PCM1: variants seen among roughly 807,000 people sequenced by gnomAD.
PCM1 encodes the protein pericentriolar material 1 protein.
Under a neutral mutation model 241.9 loss-of-function variants are expected in PCM1, and 157 were observed. That is an observed-to-expected ratio of 0.65 (90% confidence interval 0.57 to 0.74). PCM1 has a LOEUF of 0.74. Among genes scored for constraint, PCM1 ranks in the 30% least tolerant of loss-of-function variants. The pLI is 0.00. For synonymous variants in PCM1, 1,085 were observed against 784.9 expected (o/e 1.38, Z -6.39); for missense variants, 3,478 against 2,360.1 (o/e 1.47, Z -9.81).
At chr8:17,932,739 TTTAG>T (rs2059394540) in intron 2 of PCM1, among the ~76,000 whole-genome samples, 1 of 152,170 alleles carries the variant, frequency 6.6e-6, no homozygotes, top group South Asian at 2.1e-4. Flanking sequence ...GTGTTCTAAA[TTTAG>T]TAAGTTCTCT....
chr8:18,022,779 C>T (rs1025054340), intron 36 of PCM1, among the ~76,000 whole-genome samples: 1 of 152,140 alleles, frequency 6.6e-6, no homozygotes, highest in African/African-American at 2.4e-5. Context: ...TATTTAAAAT[C>T]AGAACTTCAC....
In PCM1 at chr8:17,940,007, A is replaced by G. The variant is rs1428727020; in HGVS notation, c.783+146A>G. The G allele has an allele frequency of 2.9e-6, 4 of 1,365,596 alleles. No individual in the cohort carries two copies. The Admixed American group carries it at 5.9e-5, about 20-fold the overall frequency. The allele number at this position is 1,365,596 out of a possible 1,614,324, so 84.6% of individuals were successfully genotyped here. A position where few individuals can be genotyped will look rare whatever the true frequency, so the allele number is the denominator to read the frequency against. On this transcript the variant is annotated intron_variant, in intron 6 of 38. Transcript: ENST00000325083. Reference sequence around the variant, plus strand: ...TTATAACAATTTATTGCCCATTTTAATAGTTGTATGATTTATACCGCTAAA... The same window carrying G: ...TTATAACAATTTATTGCCCATTTTAGTAGTTGTATGATTTATACCGCTAAA...
rs117049890 is a variant in PCM1 at position 17,996,396 on chromosome 8, C to T, written c.4827+2777C>T. Among the ~76,000 whole-genome samples the T allele has an allele frequency of 9.9e-5, 15 of 152,232 alleles. No individual in the cohort carries two copies. The East Asian group carries it at 2.3e-3, about 24-fold the overall frequency. On this transcript the variant is annotated intron_variant, in intron 29 of 38. Transcript: ENST00000325083. ...CCCTGGGATAAATCCCACTTGGTCA[C>T]GATGGATCATCTTTTTAATGTGTTG...
intron 36 of PCM1, among the ~76,000 whole-genome samples, chr8:18,016,391 TTTAACTATGCC>T (rs2093200895): frequency 1.3e-5 from 2 of 152,128 alleles, no homozygotes; most frequent in South Asian, 4.1e-4. Flanking sequence ...AAACTATGCC[TTTAACTATGCC>T]TTTCTGGAGA....
At chr8:18,014,089 T>A (rs13266287) in intron 35 of PCM1, 53 bp downstream of exon 35, 592,867 of 939,088 alleles carry the variant, frequency 0.63, 194,403 homozygotes, top group Non-Finnish European at 0.68. Flanking sequence ...TTATTTGCTT[T>A]AAAGCTAAAA....
At position 17,986,171 on chromosome 8, in the gene PCM1, G is replaced by A. The variant is rs1173916999; in HGVS notation, c.4410+84G>A. On this transcript the variant is annotated intron_variant, in intron 26 of 38. Coordinates refer to ENST00000325083, the MANE Select transcript of PCM1 (RefSeq NM_006197.4). ...TTAAATAGATTATTGTCAAATTGTAGGTAGACCTAATATATTTGATTTTCA... is the reference window on the plus strand; with the variant it reads ...TTAAATAGATTATTGTCAAATTGTAAGTAGACCTAATATATTTGATTTTCA... The A allele has an allele frequency of 6.4e-6, 6 of 942,146 alleles. No homozygotes were observed. In the East Asian group the frequency reaches 1.7e-4, roughly 26 times the overall value. The allele number at this position is 942,146 out of a possible 1,614,324, so 58.4% of individuals were successfully genotyped here. A position where few individuals can be genotyped will look rare whatever the true frequency, so the allele number is the denominator to read the frequency against.
Position 17,953,023 on chromosome 8 carries a change from G to C in PCM1, c.1125G>C (p.Arg375Ser), listed in dbSNP as rs768497198. 31 of 1,608,376 alleles carry C rather than the reference G, an allele frequency of 1.9e-5. 1 individual carries two copies. In the South Asian group the frequency reaches 3.3e-4, roughly 17 times the overall value. The stretch of plus-strand genomic sequence containing the variant: ...AGGCAGAAAGTCTTTCATTAACTAG[G>C]GAGGTTTCCCAGAGCAGGAAACCAT... ...RRQAESLSLT[R>S]EVSQSRKPSA... is the part of the protein sequence containing the mutation. Residue 375 changes from arginine to serine, a missense_variant, in exon 9 of 39, where the codon AGG becomes AGC. Arg to Ser is a moderately radical substitution (Grantham distance 110, BLOSUM62 -1). Transcript: ENST00000325083.
chr8:17,967,159 C>T lies in PCM1; in HGVS notation c.3401C>T (p.Ser1134Leu). Residue 1134 changes from serine (S) to leucine (L), a missense_variant, in exon 21 of 39, where the codon TCA becomes TTA. Ser to Leu is a moderately radical substitution (Grantham distance 145, BLOSUM62 -2). Transcript: ENST00000325083. The part of the protein sequence containing the change: ...FNIPGFTNFS[S>L]FAPGMNFSPL... ...ATACCTGGATTTACTAACTTTTCAT[C>T]ATTTGCACCAGGTAGGTGACTTAAC... 1 of 1,588,460 alleles carries T rather than the reference C, an allele frequency of 6.3e-7. No individual in the cohort carries two copies. Among genetic ancestry groups the T allele is most frequent in the Non-Finnish European group, 8.6e-7 (1 of 1,165,600 alleles).
At chr8:17,977,570 G>C (rs2079197622) in intron 23 of PCM1, among the ~76,000 whole-genome samples, 1 of 152,194 alleles carries the variant, frequency 6.6e-6, no homozygotes, top group Admixed American at 6.5e-5. Context: ...CTTGGAGAAA[G>C]CTATGTTGGA....
intron 36 of PCM1, among the ~76,000 whole-genome samples, chr8:18,024,659 G>T (rs941033853): frequency 1.2e-4 from 18 of 152,132 alleles, no homozygotes; most frequent in Non-Finnish European, 1.5e-4. Flanking sequence ...ATGTTTTTGT[G>T]CAAGGAAGTG....
chr8:17,953,587 A>T (rs1017682987), intron 9 of PCM1, among the ~76,000 whole-genome samples: 1 of 152,040 alleles, frequency 6.6e-6, no homozygotes, highest in Admixed American at 6.5e-5. Flanking sequence ...AGTGTGTATT[A>T]AAAAAAACAA....
At chr8:18,023,548 G>C (rs1387833150) in intron 36 of PCM1, among the ~76,000 whole-genome samples, 1 of 152,112 alleles carries the variant, frequency 6.6e-6, no homozygotes, top group Non-Finnish European at 1.5e-5. Flanking sequence ...GATGAGCTTT[G>C]GGTGAAACGT....
chr8:17,985,741 C>T lies in PCM1; in HGVS notation c.4281+122C>T. On this transcript the variant is annotated intron_variant, in intron 25 of 38. Coordinates refer to ENST00000325083, the MANE Select transcript of PCM1 (RefSeq NM_006197.4). ...TTTTCATCTGTTCTCTATGTGCTTTCTTGACATTTTATTTAAAATTTTTGT... is the reference window on the plus strand; with the variant it reads ...TTTTCATCTGTTCTCTATGTGCTTTTTTGACATTTTATTTAAAATTTTTGT... 4 of 842,862 alleles carry T rather than the reference C, an allele frequency of 4.7e-6. No individual in the cohort carries two copies. The South Asian group carries it at 7.7e-5, about 16-fold the overall frequency. 52.2% of individuals were successfully genotyped at this position (842,862 alleles called of 1,614,324 possible).
In PCM1 at chr8:17,950,575, G is replaced by C. The variant is rs1187854861; in HGVS notation, c.962-40G>C. ...TTCTCAGAGATTAAAAAAGGTGTTT[G>C]ATTATTTACATTAATCAGTAGTTAC... is the stretch of plus-strand genomic sequence containing the variant. On this transcript the variant is annotated intron_variant, in intron 7 of 38. Coordinates refer to ENST00000325083, the MANE Select transcript of PCM1 (RefSeq NM_006197.4). 3.5e-5 allele frequency: 35 copies of C among 994,234 alleles called. No individual in the cohort carries two copies. In the Admixed American group the frequency reaches 8.1e-4, roughly 23 times the overall value. The allele number at this position is 994,234 out of a possible 1,614,324, so 61.6% of individuals were successfully genotyped here.
intron 27 of PCM1, among the ~76,000 whole-genome samples, chr8:17,990,927 C>G (rs2084383716): frequency 6.6e-6 from 1 of 152,134 alleles, no homozygotes; most frequent in African/African-American, 2.4e-5. Context: ...GCATTGAGTT[C>G]ATCCCATTAC....
In PCM1 at chr8:17,964,598, G is replaced by A. The variant is rs747498789; in HGVS notation, c.2685G>A (p.Gln895=). ...TGGCAACTTGGGGAGGGTCTACCCAGTGTGCACTAGATGAAGAAGGAGATG... is the reference window on the plus strand; with the variant it reads ...TGGCAACTTGGGGAGGGTCTACCCAATGTGCACTAGATGAAGAAGGAGATG... ...KTMATWGGST[Q]CALDEEGDED... The change falls in exon 18 of 39, where the codon CAG becomes CAA. Residue 895 remains glutamine, a synonymous_variant. Coordinates refer to ENST00000325083, the MANE Select transcript of PCM1 (RefSeq NM_006197.4). 6 of 1,613,890 alleles carry A rather than the reference G, an allele frequency of 3.7e-6. No homozygotes were observed. Among genetic ancestry groups the A allele is most frequent in the Middle Eastern group, 1.6e-4 (1 of 6,062 alleles).
chr8:17,989,680 G>C (rs2301545), intron 26 of PCM1, among the ~76,000 whole-genome samples, 179 bp from the exon 27 acceptor site: 24,275 of 151,916 alleles, frequency 0.16, 2,184 homozygotes, highest in East Asian at 0.33. Context: ...CTGTGACTCT[G>C]TATTCAGCGT....
At chr8:17,979,230 G>C (rs910904109) in intron 23 of PCM1, among the ~76,000 whole-genome samples, 1 of 152,034 alleles carries the variant, frequency 6.6e-6, no homozygotes, top group East Asian at 1.9e-4. Context: ...TTCTATCTCA[G>C]TTAGGAACTA....
intron 36 of PCM1, among the ~76,000 whole-genome samples, chr8:18,018,125 A>G (rs1252542664): frequency 6.6e-6 from 1 of 152,214 alleles, no homozygotes; most frequent in Non-Finnish European, 1.5e-5. Flanking sequence ...ACCAGTCTAA[A>G]TGACAGTTGG....
Sources: gnomAD v4.1 joint callset for allele counts (sites outside exome capture counted in the v4.1 genomes callset) on GRCh38, gnomAD v4.1.1 for gene constraint, MANE v1.5 for transcripts, NCBI Gene and HGNC (gene_info 2026-07-23, HGNC 2026-07-21) for gene names.